The following SEPTIN10 variants were observed in gnomAD, a reference collection of about 807,000 sequenced individuals.
SEPTIN10 encodes septin-10.
A neutral mutation model predicts 54.8 loss-of-function variants in SEPTIN10; 66 were observed. The observed-to-expected ratio is 1.21, with a 90% CI of 0.99 to 1.48. The LOEUF is 1.48. Among genes scored for constraint, SEPTIN10 ranks in the 40% most tolerant of loss-of-function variants. The probability of loss-of-function intolerance (pLI) is 0.00; values close to 1 mark genes in which losing one functional copy is unlikely to be tolerated. For missense variants in SEPTIN10, 620 were observed against 545.6 expected (o/e 1.14, Z -1.36); for synonymous variants, 161 against 181.0 (o/e 0.89, Z 0.89).
intron 2 of SEPTIN10, among the ~76,000 whole-genome samples, chr2:109,590,041 CATATAT>C (rs529621068): frequency 1.0e-4 from 15 of 148,734 alleles, no homozygotes; most frequent in African/African-American, 3.8e-4. Context: ...TATATACACA[CATATAT>C]ATGTGTGTGT....
At chr2:109,596,509 C>T (rs560340624) in intron 1 of SEPTIN10, among the ~76,000 whole-genome samples, 43 of 151,432 alleles carry the variant, frequency 2.8e-4, no homozygotes, top group Non-Finnish European at 5.0e-4. Flanking sequence ...CCCAGCTACT[C>T]GGGAGGCTGA....
intron 9 of SEPTIN10, among the ~76,000 whole-genome samples, chr2:109,551,748 T>C (rs1298025160): frequency 1.3e-5 from 2 of 152,170 alleles, no homozygotes; most frequent in Non-Finnish European, 2.9e-5. Flanking sequence ...GCAAGTACTG[T>C]AAGTGTATTT....
chr2:109,608,038 T>C (rs10496433), intron 1 of SEPTIN10, among the ~76,000 whole-genome samples: 23,306 of 152,270 alleles, frequency 0.15, 2,260 homozygotes, highest in Non-Finnish European at 0.22. Context: ...GCTACTAATT[T>C]GTCAGTGAGA....
chr2:109,579,041 T>G (rs960831041), intron 4 of SEPTIN10, among the ~76,000 whole-genome samples: 1 of 152,152 alleles, frequency 6.6e-6, no homozygotes, highest in Non-Finnish European at 1.5e-5. Context: ...TTGTCAAGAC[T>G]AATCAATCAG....
At chr2:109,576,743 G>C (rs1476968581) in intron 4 of SEPTIN10, among the ~76,000 whole-genome samples, 1 of 152,068 alleles carries the variant, frequency 6.6e-6, no homozygotes, top group Non-Finnish European at 1.5e-5. Context: ...AAACCGTAAA[G>C]ATTTTCTGCT....
intron 8 of SEPTIN10, chr2:109,564,117 C>A (rs868013234): frequency 7.4e-5 from 27 of 365,130 alleles, no homozygotes; most frequent in African/African-American, 4.6e-4. Flanking sequence ...AAACAGGGGG[C>A]CTCTGCCATA....
intron 9 of SEPTIN10, among the ~76,000 whole-genome samples, chr2:109,551,615 T>TC (rs1436540893): frequency 6.6e-6 from 1 of 152,230 alleles, no homozygotes; most frequent in Non-Finnish European, 1.5e-5. Context: ...GACATAGGTA[T>TC]CCTATACTTT....
intron 4 of SEPTIN10, among the ~76,000 whole-genome samples, chr2:109,582,123 C>T (rs1396554002): frequency 2.0e-5 from 3 of 151,550 alleles, no homozygotes; most frequent in East Asian, 1.9e-4. Context: ...CTCACTCTCA[C>T]GCAAAAACCT....
chr2:109,602,363 TA>T (rs1314466229), intron 1 of SEPTIN10, among the ~76,000 whole-genome samples: 4 of 152,140 alleles, frequency 2.6e-5, no homozygotes, highest in Admixed American at 2.6e-4. Context: ...CCTGTGGAAC[TA>T]AATCTCAAGG....
At chr2:109,545,511 T>C in intron 10 of SEPTIN10, 2 of 1,536,124 alleles carry the variant, frequency 1.3e-6, no homozygotes, top group Non-Finnish European at 1.7e-6. Flanking sequence ...CTGACATCAA[T>C]GCACAGGAGT....
At chr2:109,591,188 G>T (rs1419536338) in intron 2 of SEPTIN10, among the ~76,000 whole-genome samples, 1 of 152,192 alleles carries the variant, frequency 6.6e-6, no homozygotes, top group Admixed American at 6.5e-5. Flanking sequence ...TCTTCCTCGT[G>T]AAAGTGTTCA....
chr2:109,603,926 C>T (rs528258089), intron 1 of SEPTIN10, among the ~76,000 whole-genome samples: 54 of 151,994 alleles, frequency 3.6e-4, no homozygotes, highest in African/African-American at 1.3e-3. Context: ...CTTTGGGAGG[C>T]CGAGGCGGGC....
Position 109,553,123 on chromosome 2 carries a change from C to T in SEPTIN10, c.1125G>A (p.Lys375=). 1 of 1,613,698 alleles carries T rather than the reference C, an allele frequency of 6.2e-7. No homozygotes were observed. Among genetic ancestry groups the T allele is most frequent in the Non-Finnish European group, 8.5e-7 (1 of 1,180,020 alleles). The change falls in exon 9 of 11, where the codon AAG becomes AAA. Residue 375 remains lysine, a synonymous_variant. Transcript: ENST00000397712. ...CTTCTTTCAATATGGCTTCTTTCTC[C>T]TTTACTCGCTGCACAAACATCTGTT... ...EMKQMFVQRV[K]EKEAILKEAE...
chr2:109,577,468 C>T (rs191919033), intron 4 of SEPTIN10, among the ~76,000 whole-genome samples: 1 of 151,840 alleles, frequency 6.6e-6, no homozygotes, highest in Non-Finnish European at 1.5e-5. Flanking sequence ...TGGCAGGTGC[C>T]TGTATCCCAG....
At chr2:109,599,549 G>A (rs1399434534) in intron 1 of SEPTIN10, among the ~76,000 whole-genome samples, 1 of 151,930 alleles carries the variant, frequency 6.6e-6, no homozygotes, top group Non-Finnish European at 1.5e-5. Context: ...TGCATGGCCT[G>A]TTTGCATATC....
intron 10 of SEPTIN10, chr2:109,545,353 C>T (rs1469182361): frequency 1.3e-6 from 2 of 1,497,072 alleles, no homozygotes; most frequent in Non-Finnish European, 1.8e-6. Flanking sequence ...AACTTATTTT[C>T]TAAAACTTGG....
At chr2:109,580,372 G>T (rs72824796) in intron 4 of SEPTIN10, among the ~76,000 whole-genome samples, 19,936 of 145,404 alleles carry the variant, frequency 0.14, 1,827 homozygotes, top group African/African-American at 0.26. Context: ...AAAATCTGGT[G>T]AAAGCATATA....
At chr2:109,578,399 G>T (rs1042759731) in intron 4 of SEPTIN10, among the ~76,000 whole-genome samples, 3 of 152,022 alleles carry the variant, frequency 2.0e-5, no homozygotes, top group Admixed American at 1.3e-4. Context: ...CATTACAAGA[G>T]AAAAAAGGTC....
intron 1 of SEPTIN10, among the ~76,000 whole-genome samples, chr2:109,602,629 C>T (rs569502366): frequency 2.0e-5 from 3 of 149,506 alleles, no homozygotes; most frequent in East Asian, 2.0e-4. Context: ...GAGCCGAGAT[C>T]GCACCATTGC....
Sources: gnomAD v4.1 joint callset for allele counts (sites outside exome capture counted in the v4.1 genomes callset) on GRCh38, gnomAD v4.1.1 for gene constraint, MANE v1.5 for transcripts, NCBI Gene and HGNC (gene_info 2026-07-23, HGNC 2026-07-21) for gene names.